Variants in CTNNBL1 observed in about 807,000 individuals in gnomAD.
CTNNBL1 encodes the protein catenin beta like 1, also known as beta-catenin-like protein 1.
A neutral mutation model predicts 72.7 loss-of-function variants in CTNNBL1; 31 were observed. The observed-to-expected ratio is 0.43, with a 90% CI of 0.32 to 0.58. The LOEUF is 0.58. Ranked by LOEUF, CTNNBL1 falls within the 20% of genes least tolerant of loss-of-function variation. The pLI is 0.08. For synonymous variants in CTNNBL1, 240 were observed against 267.3 expected (o/e 0.90, Z 1.00); for missense variants, 534 against 725.1 (o/e 0.74, Z 3.03).
chr20:37,815,567 C>T (rs925546967), intron 11 of CTNNBL1, among the ~76,000 whole-genome samples: 1 of 152,118 alleles, frequency 6.6e-6, no homozygotes, highest in Non-Finnish European at 1.5e-5. Context: ...ATCTGCCCCC[C>T]TCGGCCTCCC....
intron 10 of CTNNBL1, among the ~76,000 whole-genome samples, chr20:37,781,493 G>A (rs1420518210): frequency 6.6e-6 from 1 of 152,136 alleles, no homozygotes; most frequent in Non-Finnish European, 1.5e-5. Context: ...CTTAGAAACT[G>A]TACCTCTCTA....
chr20:37,748,608 C>T (rs1448806244), intron 4 of CTNNBL1, among the ~76,000 whole-genome samples: 1 of 152,156 alleles, frequency 6.6e-6, no homozygotes, highest in Non-Finnish European at 1.5e-5. Context: ...AACAAAATAC[C>T]GTAAACTGGG....
At chr20:37,702,375 G>T (rs2072852096) in intron 1 of CTNNBL1, among the ~76,000 whole-genome samples, 1 of 152,084 alleles carries the variant, frequency 6.6e-6, no homozygotes, top group African/African-American at 2.4e-5. Flanking sequence ...TGTTATATGG[G>T]TTTTTTGGTT....
At chr20:37,733,559 T>C (rs1454264744) in intron 2 of CTNNBL1, among the ~76,000 whole-genome samples, 1 of 152,152 alleles carries the variant, frequency 6.6e-6, no homozygotes. Flanking sequence ...CAAGATGCGT[T>C]GGGGCCTTTC....
chr20:37,741,529 A>G (rs1463892070), intron 3 of CTNNBL1, among the ~76,000 whole-genome samples: 1 of 152,222 alleles, frequency 6.6e-6, no homozygotes, highest in Non-Finnish European at 1.5e-5. Context: ...TGTTCCAGTG[A>G]CACTTCTCTT....
chr20:37,762,106 G>C (rs985616532), intron 5 of CTNNBL1, among the ~76,000 whole-genome samples: 1 of 152,198 alleles, frequency 6.6e-6, no homozygotes, highest in Non-Finnish European at 1.5e-5. Context: ...TCTAGCTGCT[G>C]TGTGGATAAT....
rs551389576 is a variant in CTNNBL1, at chr20:37,699,641, A to T, written c.30+5489A>T. Among the ~76,000 whole-genome samples the T allele has an allele frequency of 2.0e-4, 31 of 152,346 alleles. No homozygotes were observed. In the South Asian group the frequency reaches 6.4e-3, roughly 32 times the overall value. On this transcript the variant is annotated intron_variant, in intron 1 of 15. Coordinates refer to ENST00000361383, the MANE Select transcript of CTNNBL1 (RefSeq NM_030877.5). ...TTATCATTTACAAAGTAGACTCAGTACGACCACTGAAGTTTGCTTCTCAGG... is the reference window on the plus strand; with the variant it reads ...TTATCATTTACAAAGTAGACTCAGTTCGACCACTGAAGTTTGCTTCTCAGG...
intron 13 of CTNNBL1, among the ~76,000 whole-genome samples, chr20:37,844,314 A>G (rs1191471351): frequency 6.6e-6 from 1 of 152,176 alleles, no homozygotes; most frequent in Non-Finnish European, 1.5e-5. Flanking sequence ...ACTATGCCTC[A>G]TGTAGCCTCA....
At chr20:37,792,370 C>T (rs771004849) in intron 10 of CTNNBL1, among the ~76,000 whole-genome samples, 9 of 151,940 alleles carry the variant, frequency 5.9e-5, no homozygotes, top group East Asian at 1.9e-4. Context: ...GATCAGTTCT[C>T]GCTACATTGC....
intron 1 of CTNNBL1, among the ~76,000 whole-genome samples, chr20:37,711,557 T>A (rs975895995): frequency 3.4e-5 from 5 of 148,068 alleles, no homozygotes; most frequent in African/African-American, 1.3e-4. Flanking sequence ...TGAATAACAA[T>A]ACCTAAACAA....
chr20:37,797,950 G>A (rs987054127), intron 10 of CTNNBL1, among the ~76,000 whole-genome samples: 4 of 152,136 alleles, frequency 2.6e-5, no homozygotes, highest in Admixed American at 2.6e-4. Context: ...AACATCCCCT[G>A]CAGCTTGGTT....
intron 1 of CTNNBL1, among the ~76,000 whole-genome samples, chr20:37,708,755 T>C (rs2072911784): frequency 6.6e-6 from 1 of 152,188 alleles, no homozygotes; most frequent in South Asian, 2.1e-4. Flanking sequence ...CTTTGGATTA[T>C]CAGCTGCTTG....
In CTNNBL1 at chr20:37,814,409, A is replaced by T. The variant is rs78655489; in HGVS notation, c.1213+11361A>T. On this transcript the variant is annotated intron_variant, in intron 11 of 15. Transcript: ENST00000361383. ...GGCCTTCAGACCTATCTATCTACCC[A>T]CTGTATCCACTCTTCTCATGGTTTT... Among the ~76,000 whole-genome samples the T allele has an allele frequency of 1.4e-3, 220 of 151,926 alleles. 7 individuals are homozygous for T. In the East Asian group the frequency reaches 0.038, roughly 26 times the overall value.
chr20:37,813,028 G>C (rs557017461), intron 11 of CTNNBL1, among the ~76,000 whole-genome samples: 5 of 151,980 alleles, frequency 3.3e-5, no homozygotes, highest in Non-Finnish European at 7.4e-5. Flanking sequence ...AAAAAAAAAA[G>C]TTGGGAGGGA....
chr20:37,700,953 C>CT (rs1247806885), intron 1 of CTNNBL1, among the ~76,000 whole-genome samples: 1 of 152,086 alleles, frequency 6.6e-6, no homozygotes, highest in Non-Finnish European at 1.5e-5. Flanking sequence ...AAACTTGCTC[C>CT]TTTCCCCCTC....
rs145230080 is a variant in CTNNBL1 at position 37,865,336 on chromosome 20, C to T, written c.1603+4992C>T. ...CGGCACAGTTAACTCACAGTTAATC[C>T]GGCTGGACATGAAAAGGAGCCCAAA... On this transcript the variant is annotated intron_variant, in intron 15 of 15. Coordinates refer to ENST00000361383, the MANE Select transcript of CTNNBL1 (RefSeq NM_030877.5). Among the ~76,000 whole-genome samples, 1,103 of 152,276 alleles carry T rather than the reference C, an allele frequency of 7.2e-3. 9 individuals carry two copies. Among genetic ancestry groups the T allele is most frequent in the South Asian group, 0.043 (210 of 4,828 alleles).
intron 13 of CTNNBL1, among the ~76,000 whole-genome samples, chr20:37,848,382 C>T (rs1026744908): frequency 2.6e-5 from 4 of 152,074 alleles, no homozygotes; most frequent in Non-Finnish European, 5.9e-5. Context: ...TCTCAAACTC[C>T]TGTGCTCAAG....
At chr20:37,708,867 G>A (rs1232831838) in intron 1 of CTNNBL1, among the ~76,000 whole-genome samples, 1 of 152,248 alleles carries the variant, frequency 6.6e-6, no homozygotes, top group Non-Finnish European at 1.5e-5. Context: ...GGCCAGGCGC[G>A]GTGGCTCACA....
intron 9 of CTNNBL1, 140 bp from the exon 10 acceptor site, chr20:37,779,047 C>A: frequency 1.3e-6 from 1 of 763,344 alleles, no homozygotes; most frequent in Non-Finnish European, 2.1e-6. Context: ...AAAATGGAAA[C>A]TGATGAGAAT....
Sources: allele counts gnomAD v4.1 joint callset (sites outside exome capture counted in the v4.1 genomes callset), GRCh38; gene constraint gnomAD v4.1.1; transcripts MANE v1.5; gene names NCBI Gene and HGNC (gene_info 2026-07-23, HGNC 2026-07-21).